NPAS3: variants seen among roughly 807,000 people sequenced by gnomAD.
NPAS3 encodes the protein neuronal PAS domain protein 3, also known as neuronal PAS domain-containing protein 3.
In NPAS3, 14 loss-of-function variants were observed where a neutral mutation model predicts 73.1. The ratio of observed to expected loss-of-function variants is 0.19; its 90% CI spans 0.13 to 0.30. The LOEUF is 0.30. Among genes scored for constraint, NPAS3 ranks in the 10% least tolerant of loss-of-function variants. The pLI, the probability that NPAS3 is intolerant of heterozygous loss-of-function variation, is 1.00. For synonymous variants in NPAS3, 620 were observed against 541.5 expected (o/e 1.14, Z -2.01); for missense variants, 1,096 against 1,250.0 (o/e 0.88, Z 1.86).
chr14:33,505,981 A>G (rs1414314077), intron 4 of NPAS3, among the ~76,000 whole-genome samples: 1 of 151,796 alleles, frequency 6.6e-6, no homozygotes, highest in Non-Finnish European at 1.5e-5. Context: ...CTCCAGCCCC[A>G]TATCCACGCG....
intron 7 of NPAS3, among the ~76,000 whole-genome samples, chr14:33,743,288 G>A (rs1420185376): frequency 1.3e-5 from 2 of 152,174 alleles, no homozygotes; most frequent in Non-Finnish European, 2.9e-5. Context: ...GTTGCAGTAT[G>A]GATATTGTGT....
intron 5 of NPAS3, among the ~76,000 whole-genome samples, chr14:33,575,220 C>T (rs1268159811): frequency 6.6e-6 from 1 of 152,198 alleles, no homozygotes; most frequent in Non-Finnish European, 1.5e-5. Context: ...TGTATGGTCT[C>T]CTGCCCATTA....
intron 5 of NPAS3, among the ~76,000 whole-genome samples, chr14:33,633,614 A>G (rs369835731): frequency 6.6e-6 from 1 of 152,210 alleles, no homozygotes; most frequent in African/African-American, 2.4e-5. Context: ...GTATCTAAAC[A>G]TAGAAAAGGC....
At chr14:33,067,088 G>A (rs2041306917) in intron 2 of NPAS3, among the ~76,000 whole-genome samples, 1 of 152,226 alleles carries the variant, frequency 6.6e-6, no homozygotes. Context: ...CTAATGAGGT[G>A]CAATCTGGTA....
intron 6 of NPAS3, among the ~76,000 whole-genome samples, chr14:33,678,348 T>A (rs575458409): frequency 1.3e-5 from 2 of 152,156 alleles, no homozygotes; most frequent in Admixed American, 1.3e-4. Flanking sequence ...CATTTCTGAT[T>A]TACTCCTTCT....
chr14:33,795,660 C>T (rs535080048), intron 10 of NPAS3, among the ~76,000 whole-genome samples: 1 of 152,248 alleles, frequency 6.6e-6, no homozygotes, highest in South Asian at 2.1e-4. Context: ...GTTGTTACTC[C>T]CATTCTCTGA....
chr14:33,240,289 A>G (rs2139824824), intron 3 of NPAS3, among the ~76,000 whole-genome samples: 1 of 151,996 alleles, frequency 6.6e-6, no homozygotes, highest in Middle Eastern at 3.4e-3. Context: ...TTACTACTCA[A>G]CATATCTGGT....
chr14:32,999,922 G>A (rs908903415), intron 1 of NPAS3, among the ~76,000 whole-genome samples: 5 of 152,198 alleles, frequency 3.3e-5, no homozygotes, highest in Non-Finnish European at 5.9e-5. Flanking sequence ...TGTCTCCAAG[G>A]TATTTGTGGT....
At chr14:33,093,811 C>T (rs370770071) in intron 2 of NPAS3, among the ~76,000 whole-genome samples, 5 of 152,056 alleles carry the variant, frequency 3.3e-5, no homozygotes, top group African/African-American at 1.2e-4. Flanking sequence ...GAGTTTTTGT[C>T]CTTTGTAGGG....
At chr14:33,780,838 G>T in intron 9 of NPAS3, 1 of 266,402 alleles carries the variant, frequency 3.8e-6, no homozygotes, top group Non-Finnish European at 7.5e-6. Context: ...CTGGTATCTT[G>T]CCAACTAATA....
intron 3 of NPAS3, among the ~76,000 whole-genome samples, chr14:33,268,251 C>T (rs947911813): frequency 6.6e-6 from 1 of 152,262 alleles, no homozygotes; most frequent in Middle Eastern, 3.4e-3. Context: ...GCTCTTGTTA[C>T]TGGCTGCTTT....
chr14:33,319,049 T>C (rs2043326183), intron 3 of NPAS3, among the ~76,000 whole-genome samples: 1 of 152,054 alleles, frequency 6.6e-6, no homozygotes, highest in South Asian at 2.1e-4. Context: ...TTACCTGAGA[T>C]TGTGTGACAG....
chr14:33,660,464 T>C (rs541263300), intron 5 of NPAS3, among the ~76,000 whole-genome samples: 19 of 152,362 alleles, frequency 1.2e-4, no homozygotes, highest in African/African-American at 4.3e-4. Flanking sequence ...TTTGATTTTG[T>C]TTTGTGTTTT....
chr14:33,020,929 T>A (rs2039573240), intron 1 of NPAS3, among the ~76,000 whole-genome samples: 1 of 151,906 alleles, frequency 6.6e-6, no homozygotes, highest in African/African-American at 2.4e-5. Flanking sequence ...CCCAGGTAAT[T>A]TTTTGTATTT....
intron 2 of NPAS3, among the ~76,000 whole-genome samples, chr14:33,150,977 T>A (rs149879258): frequency 6.6e-6 from 1 of 152,368 alleles, no homozygotes; most frequent in Non-Finnish European, 1.5e-5. Context: ...TGATTTGTTT[T>A]TAAAAAGCTG....
At chr14:33,246,629 T>G (rs1255590535) in intron 3 of NPAS3, among the ~76,000 whole-genome samples, 1 of 151,270 alleles carries the variant, frequency 6.6e-6, no homozygotes, top group East Asian at 1.9e-4. Context: ...GTATCTACTT[T>G]GAAGTTGGTC....
At chr14:33,509,573 A>G (rs2052939197) in intron 4 of NPAS3, among the ~76,000 whole-genome samples, 1 of 152,064 alleles carries the variant, frequency 6.6e-6, no homozygotes, top group Admixed American at 6.5e-5. Context: ...CTAGAGATTC[A>G]GACTGGAATG....
intron 3 of NPAS3, among the ~76,000 whole-genome samples, chr14:33,352,264 A>G (rs996253762): frequency 2.0e-5 from 3 of 152,180 alleles, no homozygotes; most frequent in African/African-American, 7.2e-5. Flanking sequence ...AGACTTTTCT[A>G]ACTGGCCCAA....
intron 4 of NPAS3, among the ~76,000 whole-genome samples, chr14:33,451,809 T>G (rs2049804335): frequency 6.6e-6 from 1 of 152,130 alleles, no homozygotes; most frequent in Non-Finnish European, 1.5e-5. Context: ...TTATAAACAG[T>G]AAGAAATAGA....
Sources: gnomAD v4.1 joint callset for allele counts (sites outside exome capture counted in the v4.1 genomes callset) on GRCh38, gnomAD v4.1.1 for gene constraint, MANE v1.5 for transcripts, NCBI Gene and HGNC (gene_info 2026-07-23, HGNC 2026-07-21) for gene names.